The following PDSS2 variants were observed in gnomAD, a reference collection of about 807,000 sequenced individuals.
The protein encoded by PDSS2 is all trans-polyprenyl-diphosphate synthase PDSS2.
Under a neutral mutation model 44.5 loss-of-function variants are expected in PDSS2, and 31 were observed. That is an observed-to-expected ratio of 0.70 (90% CI 0.52 to 0.94). PDSS2 has a LOEUF of 0.94. PDSS2 is among the 40% of genes least tolerant of loss of function. The pLI, the probability that PDSS2 is intolerant of heterozygous loss-of-function variation, is 0.00. For missense variants in PDSS2, 452 were observed against 482.2 expected, an observed-to-expected ratio of 0.94 and a Z score of 0.59; for synonymous variants, 157 against 180.3, an observed-to-expected ratio of 0.87 and a Z score of 1.03.
chr6:107,186,412 G>C (rs932380630), intron 7 of PDSS2, among the ~76,000 whole-genome samples: 3 of 152,040 alleles, frequency 2.0e-5, no homozygotes, highest in African/African-American at 7.2e-5. Flanking sequence ...CTCACCATCT[G>C]AAACCGACAA....
chr6:107,334,709 T>TAA lies in PDSS2; in HGVS notation c.297-379_297-378dup, dbSNP rs55678823. On this transcript the variant is annotated intron_variant, in intron 1 of 7. Coordinates refer to ENST00000369037, the MANE Select transcript of PDSS2 (RefSeq NM_020381.4). ...GTATGCACCACGATGCTCAGCTAATTAAAAAAAAAAAAAAAAAACGTAGAG... is the reference window on the plus strand; with the variant it reads ...GTATGCACCACGATGCTCAGCTAATTAAAAAAAAAAAAAAAAAAAACGTAGAG... Among the ~76,000 whole-genome samples the TAA allele has an allele frequency of 6.4e-3, 763 of 119,146 alleles. 7 individuals carry two copies. Among genetic ancestry groups the TAA allele is most frequent in the African/African-American group, 0.021 (669 of 32,118 alleles). 78.2% of individuals were successfully genotyped at this position (119,146 alleles called of 152,430 possible).
At chr6:107,336,011 G>T (rs531585351) in intron 1 of PDSS2, among the ~76,000 whole-genome samples, 58 of 98,404 alleles carry the variant, frequency 5.9e-4, no homozygotes, top group African/African-American at 1.3e-3. Flanking sequence ...TGCCCGGGGT[G>T]GGGGGGGTGG....
chr6:107,311,030 G>A (rs930425641), intron 2 of PDSS2, among the ~76,000 whole-genome samples: 14 of 150,392 alleles, frequency 9.3e-5, no homozygotes, highest in African/African-American at 3.2e-4. Context: ...TGATTCTCCT[G>A]CCTCAGCCTC....
At chr6:107,345,371 T>C (rs546758300) in intron 1 of PDSS2, among the ~76,000 whole-genome samples, 12 of 149,712 alleles carry the variant, frequency 8.0e-5, no homozygotes, top group African/African-American at 3.0e-4. Flanking sequence ...AATGTTTCAA[T>C]GTAAGTAATC....
chr6:107,312,572 T>G (rs1005052952), intron 2 of PDSS2, among the ~76,000 whole-genome samples: 2 of 152,300 alleles, frequency 1.3e-5, no homozygotes, highest in South Asian at 2.1e-4. Context: ...ATTATGAGGT[T>G]GTTGTGATGA....
intron 6 of PDSS2, among the ~76,000 whole-genome samples, chr6:107,204,322 A>G (rs1272580597): frequency 1.3e-5 from 2 of 152,092 alleles, no homozygotes; most frequent in Non-Finnish European, 2.9e-5. Flanking sequence ...GTAATATTCC[A>G]TTGTATGGAT....
At chr6:107,240,783 T>C (rs1192557251) in intron 4 of PDSS2, among the ~76,000 whole-genome samples, 1 of 151,956 alleles carries the variant, frequency 6.6e-6, no homozygotes, top group South Asian at 2.1e-4. Context: ...TGAGCTAACA[T>C]TTAAAAAGCA....
At chr6:107,341,355 G>T (rs1164083834) in intron 1 of PDSS2, among the ~76,000 whole-genome samples, 1 of 152,134 alleles carries the variant, frequency 6.6e-6, no homozygotes, top group Non-Finnish European at 1.5e-5. Context: ...TGGAAAGAAG[G>T]AGGAGAACTA....
chr6:107,175,087 C>G (rs887317838), intron 7 of PDSS2, among the ~76,000 whole-genome samples: 1 of 152,052 alleles, frequency 6.6e-6, no homozygotes, highest in Non-Finnish European at 1.5e-5. Flanking sequence ...TGGCACACGC[C>G]TGTAATCCCA....
intron 1 of PDSS2, among the ~76,000 whole-genome samples, chr6:107,448,459 A>G (rs1213409753): frequency 6.6e-6 from 1 of 152,180 alleles, no homozygotes; most frequent in East Asian, 1.9e-4. Flanking sequence ...CTCTTTGCTA[A>G]AGCATAGCAA....
intron 1 of PDSS2, among the ~76,000 whole-genome samples, chr6:107,440,228 T>C (rs541188494): frequency 1.3e-5 from 2 of 152,348 alleles, no homozygotes; most frequent in Non-Finnish European, 2.9e-5. Flanking sequence ...TTATTCTGTA[T>C]TTGGATGTGA....
At chr6:107,182,568 G>A (rs1050959786) in intron 7 of PDSS2, among the ~76,000 whole-genome samples, 3 of 152,100 alleles carry the variant, frequency 2.0e-5, no homozygotes, top group African/African-American at 7.2e-5. Context: ...CAAGTGGTCT[G>A]CCCACCTTGG....
intron 6 of PDSS2, among the ~76,000 whole-genome samples, chr6:107,203,759 C>T (rs187168413): frequency 1.3e-5 from 2 of 152,088 alleles, no homozygotes; most frequent in Admixed American, 6.5e-5. Context: ...TAACAAGTGC[C>T]GAACATTTTT....
At chr6:107,250,587 CAGAG>C (rs1244548160) in intron 3 of PDSS2, among the ~76,000 whole-genome samples, 3 of 152,072 alleles carry the variant, frequency 2.0e-5, no homozygotes, top group African/African-American at 7.2e-5. Context: ...TTTATAGTCT[CAGAG>C]AGACCTCAAG....
chr6:107,162,704 A>G (rs1771192109), intron 7 of PDSS2, among the ~76,000 whole-genome samples: 1 of 144,358 alleles, frequency 6.9e-6, no homozygotes, highest in Non-Finnish European at 1.5e-5. Context: ...TCCTGGGTTC[A>G]AGCAATTCTC....
intron 7 of PDSS2, among the ~76,000 whole-genome samples, chr6:107,185,831 C>T (rs945139433): frequency 1.3e-5 from 2 of 152,286 alleles, no homozygotes; most frequent in South Asian, 2.1e-4. Flanking sequence ...AACCTTGAGG[C>T]CAGAAGCCTA....
chr6:107,318,014 A>T lies in PDSS2; in HGVS notation c.431+16184T>A, dbSNP rs562109524. 2.2e-4 allele frequency among the ~76,000 whole-genome samples: 34 copies of T among 152,322 alleles called. 1 individual carries two copies. In the South Asian group the frequency reaches 7.1e-3, roughly 32 times the overall value. The stretch of plus-strand genomic sequence containing the variant: ...TTCTTTAATTTTGTACTCATTAATA[A>T]GATGCGACAGTGGTTATCTTGTGGT... On this transcript the variant is annotated intron_variant, in intron 2 of 7. Transcript: ENST00000369037.
intron 1 of PDSS2, among the ~76,000 whole-genome samples, chr6:107,442,674 C>T (rs1781545941): frequency 6.6e-6 from 1 of 152,142 alleles, no homozygotes; most frequent in South Asian, 2.1e-4. Context: ...ACAAAATTTC[C>T]CCCTACACTC....
At chr6:107,156,464 G>A (rs188359336) in intron 7 of PDSS2, among the ~76,000 whole-genome samples, 223 of 152,274 alleles carry the variant, frequency 1.5e-3, no homozygotes, top group African/African-American at 5.1e-3. Context: ...AAAGTGCTGG[G>A]ATTACAGGCG....
Sources: allele counts gnomAD v4.1 joint callset (sites outside exome capture counted in the v4.1 genomes callset), GRCh38; gene constraint gnomAD v4.1.1; transcripts MANE v1.5; gene names NCBI Gene and HGNC (gene_info 2026-07-23, HGNC 2026-07-21).